Variants in CA10 observed in about 807,000 individuals in gnomAD.
CA10 encodes the protein carbonic anhydrase-related protein 10.
CA10 carries 14 observed loss-of-function variants against 44.2 expected under a neutral mutation model. The observed-to-expected ratio is 0.32, with a 90% confidence interval of 0.21 to 0.50. The LOEUF is 0.50. Ranked by LOEUF, CA10 falls within the 20% of genes least tolerant of loss-of-function variation. The probability of loss-of-function intolerance (pLI) is 0.99; values close to 1 mark genes in which losing one functional copy is unlikely to be tolerated. For missense variants in CA10, 350 were observed against 409.7 expected, an observed-to-expected ratio of 0.85 and a Z score of 1.26; for synonymous variants, 159 against 141.6, an observed-to-expected ratio of 1.12 and a Z score of -0.87.
intron 3 of CA10, among the ~76,000 whole-genome samples, chr17:51,870,818 A>C (rs1213084535): frequency 6.6e-6 from 1 of 152,126 alleles, no homozygotes; most frequent in East Asian, 1.9e-4. Context: ...AGAAAGGATG[A>C]ATTACAAATA....
intron 2 of CA10, among the ~76,000 whole-genome samples, chr17:52,064,016 G>A (rs556431106): frequency 6.6e-6 from 1 of 152,184 alleles, no homozygotes; most frequent in Non-Finnish European, 1.5e-5. Flanking sequence ...TAATAAAAAG[G>A]CATGTTATAC....
chr17:51,918,307 T>G (rs2143966511), intron 3 of CA10, among the ~76,000 whole-genome samples: 1 of 152,244 alleles, frequency 6.6e-6, no homozygotes, highest in African/African-American at 2.4e-5. Context: ...TTTCCTTAAC[T>G]TAAAAAAAAT....
intron 3 of CA10, among the ~76,000 whole-genome samples, chr17:51,875,534 G>A (rs951944791): frequency 6.6e-6 from 1 of 152,182 alleles, no homozygotes; most frequent in Non-Finnish European, 1.5e-5. Flanking sequence ...GAAGAAGGCT[G>A]TTTCTGCAGT....
chr17:51,701,456 G>A (rs1013056973), intron 4 of CA10, among the ~76,000 whole-genome samples: 6 of 152,026 alleles, frequency 3.9e-5, no homozygotes, highest in African/African-American at 1.5e-4. Flanking sequence ...TGGAGACTCA[G>A]TTCAACCCAT....
chr17:51,973,718 T>G (rs1395780045), intron 2 of CA10, among the ~76,000 whole-genome samples: 1 of 152,186 alleles, frequency 6.6e-6, no homozygotes, highest in African/African-American at 2.4e-5. Context: ...ACAGCATAAA[T>G]CTGATTCTCC....
intron 1 of CA10, among the ~76,000 whole-genome samples, chr17:52,093,232 T>TA (rs1300682974): frequency 6.6e-6 from 1 of 150,538 alleles, no homozygotes; most frequent in Non-Finnish European, 1.5e-5. Context: ...ACTAGCTGCT[T>TA]AATATATTAA....
At chr17:51,885,411 G>T (rs1407952944) in intron 3 of CA10, among the ~76,000 whole-genome samples, 1 of 152,052 alleles carries the variant, frequency 6.6e-6, no homozygotes, top group Non-Finnish European at 1.5e-5. Flanking sequence ...TTCTACTAAG[G>T]TGAACTCCTG....
intron 2 of CA10, among the ~76,000 whole-genome samples, chr17:51,989,157 T>C (rs965735830): frequency 8.6e-5 from 13 of 151,672 alleles, no homozygotes; most frequent in Admixed American, 5.9e-4. Flanking sequence ...CTGTTTCTTT[T>C]TTTTTTTTTT....
chr17:51,853,098 T>C (rs1598082389), intron 3 of CA10, among the ~76,000 whole-genome samples: 1 of 152,184 alleles, frequency 6.6e-6, no homozygotes, highest in Non-Finnish European at 1.5e-5. Context: ...TTGAGTCCAC[T>C]GAGAGACATT....
chr17:51,888,904 G>A (rs1598101740), intron 3 of CA10, among the ~76,000 whole-genome samples: 1 of 152,270 alleles, frequency 6.6e-6, no homozygotes, highest in East Asian at 1.9e-4. Context: ...CTCACTTGGG[G>A]ATCTTTAATA....
chr17:52,113,714 C>T (rs568777200), intron 1 of CA10, among the ~76,000 whole-genome samples: 2 of 152,310 alleles, frequency 1.3e-5, no homozygotes, highest in East Asian at 3.9e-4. Flanking sequence ...CATCCTACTT[C>T]CTCTTACTGA....
At chr17:52,082,713 G>A (rs1988015548) in intron 1 of CA10, among the ~76,000 whole-genome samples, 1 of 152,034 alleles carries the variant, frequency 6.6e-6, no homozygotes, top group Non-Finnish European at 1.5e-5. Context: ...AAATTCTGGT[G>A]GTACTTTCAG....
chr17:51,860,684 CATATA>C (rs1979263332), intron 3 of CA10, among the ~76,000 whole-genome samples: 3 of 152,112 alleles, frequency 2.0e-5, no homozygotes, highest in African/African-American at 7.2e-5. Context: ...ATGCCAGTAA[CATATA>C]ATATATAGAG....
chr17:51,920,016 G>C (rs1486058726), intron 3 of CA10, among the ~76,000 whole-genome samples: 1 of 152,080 alleles, frequency 6.6e-6, no homozygotes, highest in Non-Finnish European at 1.5e-5. Flanking sequence ...TGATGTGATG[G>C]CTACTGAACT....
chr17:51,927,595 C>A (rs1024400902), intron 3 of CA10, among the ~76,000 whole-genome samples: 1 of 152,002 alleles, frequency 6.6e-6, no homozygotes, highest in African/African-American at 2.4e-5. Flanking sequence ...TTCAAATTAC[C>A]AAGAATCTCA....
rs113589530 is a variant in CA10 at position 51,631,738 on chromosome 17, A to C, written c.965-132T>G. The stretch of plus-strand genomic sequence containing the variant: ...CTGTTTTGTAAATGCCTGCTTACTT[A>C]TATGCATTCCAACTACTCCCTTCCA... On this transcript the variant is annotated intron_variant, in intron 8 of 8. Transcript: ENST00000451037. 272 of 756,224 alleles carry C rather than the reference A, an allele frequency of 3.6e-4. 2 individuals carry two copies. The African/African-American group carries it at 3.8e-3, about 11-fold the overall frequency. 46.8% of individuals were successfully genotyped at this position (756,224 alleles called of 1,614,324 possible). A position where few individuals can be genotyped will look rare whatever the true frequency, so the allele number is the denominator to read the frequency against.
At chr17:51,764,442 G>A (rs1174559361) in intron 3 of CA10, among the ~76,000 whole-genome samples, 1 of 152,200 alleles carries the variant, frequency 6.6e-6, no homozygotes, top group East Asian at 1.9e-4. Context: ...TGGAGAAAAG[G>A]CTATGTGTCT....
At chr17:52,029,945 G>GA (rs1986415285) in intron 2 of CA10, among the ~76,000 whole-genome samples, 1 of 152,166 alleles carries the variant, frequency 6.6e-6, no homozygotes, top group Admixed American at 6.5e-5. Flanking sequence ...TACTTTAAGA[G>GA]AGAAAGACTT....
chr17:51,658,992 C>T (rs1167558505), intron 4 of CA10, among the ~76,000 whole-genome samples: 2 of 152,164 alleles, frequency 1.3e-5, no homozygotes, highest in Non-Finnish European at 2.9e-5. Flanking sequence ...GATGCTCTCA[C>T]CCAGGAGGCA....
Sources: gnomAD v4.1 joint callset for allele counts (sites outside exome capture counted in the v4.1 genomes callset) on GRCh38, gnomAD v4.1.1 for gene constraint, MANE v1.5 for transcripts, NCBI Gene and HGNC (gene_info 2026-07-23, HGNC 2026-07-21) for gene names.